SUCLG2: variants seen among roughly 807,000 people sequenced by gnomAD.
SUCLG2 encodes succinate-CoA ligase GDP-forming subunit beta.
Under a neutral mutation model 47.9 loss-of-function variants are expected in SUCLG2, and 42 were observed. The observed-to-expected ratio is 0.88, with a 90% CI of 0.69 to 1.14. The LOEUF (loss-of-function observed/expected upper bound fraction) is 1.14, where lower values mean the gene tolerates loss of function less well. Among genes scored for constraint, SUCLG2 ranks in the 50% most tolerant of loss-of-function variants. SUCLG2 has a pLI of 0.00. For missense variants in SUCLG2, 571 were observed against 525.9 expected (o/e 1.09, Z -0.84); for synonymous variants, 195 against 197.3 (o/e 0.99, Z 0.10).
At chr3:67,571,307 C>T (rs1707601063) in intron 2 of SUCLG2, among the ~76,000 whole-genome samples, 1 of 152,140 alleles carries the variant, frequency 6.6e-6, no homozygotes, top group Admixed American at 6.5e-5. Context: ...TCCTACAATG[C>T]ACAGGACAGC....
Position 67,635,991 on chromosome 3 carries a change from G to A in SUCLG2, c.84+18512C>T, listed in dbSNP as rs142666679. Among the ~76,000 whole-genome samples the A allele has an allele frequency of 7.0e-4, 106 of 152,290 alleles. 1 individual carries two copies. The highest frequency in any genetic ancestry group is 1.2e-3 in the Admixed American group (18 of 15,300). On this transcript the variant is annotated intron_variant, in intron 1 of 10. Transcript: ENST00000307227. ...GTTAAGAGCTTACATGGTCACACAG[G>A]AAATAGGATCTGTCAATGACACATA... is the stretch of plus-strand genomic sequence containing the variant.
intron 9 of SUCLG2, among the ~76,000 whole-genome samples, chr3:67,441,503 A>G (rs1703762881): frequency 6.6e-6 from 1 of 152,086 alleles, no homozygotes; most frequent in African/African-American, 2.4e-5. Context: ...ACATACTCCA[A>G]ATACTTCTGA....
intron 9 of SUCLG2, among the ~76,000 whole-genome samples, chr3:67,464,640 A>G (rs1403175511): frequency 6.6e-6 from 1 of 152,228 alleles, no homozygotes; most frequent in Non-Finnish European, 1.5e-5. Flanking sequence ...AATGTGGGCA[A>G]AAGGAAGCAT....
intron 2 of SUCLG2, among the ~76,000 whole-genome samples, chr3:67,564,925 G>T: frequency 6.6e-6 from 1 of 151,056 alleles, no homozygotes. Context: ...TTTCCTTTCT[G>T]GTGAAAATAA....
chr3:67,592,233 A>G (rs1251685571), intron 2 of SUCLG2, among the ~76,000 whole-genome samples: 1 of 152,248 alleles, frequency 6.6e-6, no homozygotes, highest in African/African-American at 2.4e-5. Flanking sequence ...AGTGTAAGGC[A>G]CAGAGTGAAG....
chr3:67,368,494 T>C (rs1295334028), intron 10 of SUCLG2, among the ~76,000 whole-genome samples: 1 of 152,150 alleles, frequency 6.6e-6, no homozygotes, highest in Non-Finnish European at 1.5e-5. Context: ...CTATGTATTA[T>C]TGTCTCCTAG....
intron 10 of SUCLG2, among the ~76,000 whole-genome samples, chr3:67,365,219 A>G (rs1303592924): frequency 6.6e-6 from 1 of 152,218 alleles, no homozygotes; most frequent in East Asian, 1.9e-4. Flanking sequence ...GAAAGGAGAA[A>G]GTGGGGCTGG....
intron 2 of SUCLG2, among the ~76,000 whole-genome samples, chr3:67,571,068 C>T (rs924884142): frequency 3.3e-5 from 5 of 152,128 alleles, no homozygotes; most frequent in Non-Finnish European, 4.4e-5. Flanking sequence ...TGTATCTACC[C>T]TAAACAGAGT....
rs188858547 is a variant in SUCLG2, at chr3:67,365,456, G to A, written c.1184-4688C>T. On this transcript the variant is annotated intron_variant, in intron 10 of 10. Transcript: ENST00000493112. Reference sequence around the variant, plus strand: ...CAGTGATGCTACAGTAACAGTGTTAGACAGTGTCTAGCCAGAGTGACTAGT... The same window carrying A: ...CAGTGATGCTACAGTAACAGTGTTAAACAGTGTCTAGCCAGAGTGACTAGT... Among the ~76,000 whole-genome samples, 9 of 152,328 alleles carry A rather than the reference G, an allele frequency of 5.9e-5. No individual in the cohort carries two copies. The East Asian group carries it at 1.7e-3, about 29-fold the overall frequency.
intron 5 of SUCLG2, among the ~76,000 whole-genome samples, chr3:67,519,316 C>T (rs1409443538): frequency 6.6e-6 from 1 of 152,096 alleles, no homozygotes; most frequent in Admixed American, 6.5e-5. Context: ...CATCAGAGAC[C>T]CTAAGCTGGA....
At chr3:67,397,789 C>T (rs1702581805) in intron 10 of SUCLG2, among the ~76,000 whole-genome samples, 1 of 152,162 alleles carries the variant, frequency 6.6e-6, no homozygotes, top group Admixed American at 6.5e-5. Flanking sequence ...GCTACAGTAA[C>T]CAAAACAGCA....
At chr3:67,621,633 G>A (rs1700738768) in intron 1 of SUCLG2, among the ~76,000 whole-genome samples, 1 of 152,010 alleles carries the variant, frequency 6.6e-6, no homozygotes, top group Non-Finnish European at 1.5e-5. Context: ...ATGGGTTAAT[G>A]GATTATCATG....
intron 9 of SUCLG2, among the ~76,000 whole-genome samples, chr3:67,492,003 A>G (rs150237329): frequency 3.9e-5 from 6 of 152,318 alleles, no homozygotes; most frequent in African/African-American, 1.4e-4. Flanking sequence ...GCAGTCTGGC[A>G]TAAGAATCCC....
chr3:67,449,769 A>G (rs890713613), intron 9 of SUCLG2, among the ~76,000 whole-genome samples: 5 of 151,934 alleles, frequency 3.3e-5, no homozygotes, highest in Non-Finnish European at 7.4e-5. Flanking sequence ...GTGTGCCACC[A>G]TGCCCAGCTA....
intron 2 of SUCLG2, among the ~76,000 whole-genome samples, chr3:67,544,104 T>C (rs1489608737): frequency 2.0e-5 from 3 of 152,242 alleles, no homozygotes; most frequent in Non-Finnish European, 4.4e-5. Context: ...TTAAATGTCA[T>C]GGTCATTGCC....
At chr3:67,441,124 G>C (rs923872769) in intron 9 of SUCLG2, among the ~76,000 whole-genome samples, 3 of 151,870 alleles carry the variant, frequency 2.0e-5, no homozygotes, top group African/African-American at 7.3e-5. Flanking sequence ...ACTAACACAG[G>C]AACAGAAAAC....
At chr3:67,378,285 G>C (rs1702079253) in intron 10 of SUCLG2, among the ~76,000 whole-genome samples, 1 of 152,172 alleles carries the variant, frequency 6.6e-6, no homozygotes, top group South Asian at 2.1e-4. Flanking sequence ...TAATAGATAA[G>C]AACATGGCAA....
At chr3:67,642,916 C>CTGTGTGTGTGTGTG (rs1491202290) in intron 1 of SUCLG2, among the ~76,000 whole-genome samples, 69 of 120,158 alleles carry the variant, frequency 5.7e-4, no homozygotes, top group African/African-American at 1.9e-3. Flanking sequence ...CAGAAAAGGA[C>CTGTGTGTGTGTGTG]TCTGTGTGTG....
chr3:67,417,531 C>T (rs1220210331), intron 9 of SUCLG2, among the ~76,000 whole-genome samples: 1 of 152,212 alleles, frequency 6.6e-6, no homozygotes, highest in African/African-American at 2.4e-5. Flanking sequence ...GCCTACAATA[C>T]TTTTTAACAA....
Sources: gnomAD v4.1 joint callset for allele counts (sites outside exome capture counted in the v4.1 genomes callset) on GRCh38, gnomAD v4.1.1 for gene constraint, MANE v1.5 for transcripts, NCBI Gene and HGNC (gene_info 2026-07-23, HGNC 2026-07-21) for gene names.